ADAM32: variants seen among roughly 807,000 people sequenced by gnomAD.
The protein encoded by ADAM32 is ADAM metallopeptidase domain 32.
In ADAM32, 89 loss-of-function variants were observed where a neutral mutation model predicts 114.9. The ratio of observed to expected loss-of-function variants is 0.77; its 90% CI spans 0.65 to 0.92. ADAM32 has a LOEUF of 0.92. Among genes scored for constraint, ADAM32 ranks in the 40% least tolerant of loss-of-function variants. ADAM32 has a pLI of 0.00. For synonymous variants in ADAM32, 285 were observed against 307.5 expected, an observed-to-expected ratio of 0.93 and a Z score of 0.77; for missense variants, 870 against 932.8, an observed-to-expected ratio of 0.93 and a Z score of 0.88.
chr8:39,201,140 G>GT (rs1451285628), intron 11 of ADAM32, among the ~76,000 whole-genome samples: 6 of 152,196 alleles, frequency 3.9e-5, no homozygotes, highest in African/African-American at 7.2e-5. Flanking sequence ...CTTTAAAGTA[G>GT]TTTTTTCCAT....
chr8:39,246,875 C>T (rs1027380341), intron 17 of ADAM32, among the ~76,000 whole-genome samples: 2 of 152,176 alleles, frequency 1.3e-5, no homozygotes, highest in Admixed American at 6.5e-5. Context: ...TCTCCACTAA[C>T]CCTTGGCAAC....
intron 6 of ADAM32, among the ~76,000 whole-genome samples, chr8:39,155,955 G>T (rs7834886): frequency 0.99 from 150,767 of 152,270 alleles, 74,651 homozygotes; most frequent in Middle Eastern, 1. Flanking sequence ...AAACGCTGCT[G>T]CTATACAGCT....
At chr8:39,130,464 G>A (rs932051723) in intron 2 of ADAM32, among the ~76,000 whole-genome samples, 3 of 151,754 alleles carry the variant, frequency 2.0e-5, no homozygotes, top group Non-Finnish European at 4.4e-5. Context: ...GTCTTAAGAT[G>A]GAAATTTAAG....
chr8:39,176,862 G>A (rs573231559), intron 10 of ADAM32, among the ~76,000 whole-genome samples: 1 of 152,188 alleles, frequency 6.6e-6, no homozygotes, highest in Admixed American at 6.5e-5. Flanking sequence ...TTATGAATCT[G>A]GGTACTCCTG....
chr8:39,116,049 G>GT lies in ADAM32; in HGVS notation c.59-2036dup, dbSNP rs796993410. Among the ~76,000 whole-genome samples, 4 of 152,276 alleles carry GT rather than the reference G, an allele frequency of 2.6e-5. 1 individual carries two copies. Among genetic ancestry groups the GT allele is most frequent in the African/African-American group, 9.6e-5 (4 of 41,560 alleles). ...TGTCAAAGATCAGATGGTTATAGGT[G>GT]TGTGGCTTTATTTCTGAGTTTTCTA... is the stretch of plus-strand genomic sequence containing the variant. On this transcript the variant is annotated intron_variant, in intron 1 of 24. Coordinates refer to ENST00000379907, the MANE Select transcript of ADAM32 (RefSeq NM_145004.7).
intron 12 of ADAM32, among the ~76,000 whole-genome samples, chr8:39,217,092 TTA>T (rs1808620669): frequency 8.8e-6 from 1 of 113,580 alleles, no homozygotes; most frequent in Non-Finnish European, 1.8e-5. Context: ...TATTTCTCCA[TTA>T]TGTTTAAAGA....
intron 17 of ADAM32, among the ~76,000 whole-genome samples, chr8:39,247,866 T>C (rs1301479287): frequency 2.0e-5 from 3 of 151,800 alleles, no homozygotes; most frequent in Admixed American, 2.0e-4. Flanking sequence ...GATTAACTTT[T>C]TGAAGGGTGA....
At chr8:39,282,564 A>G (rs1246562057) in intron 23 of ADAM32, among the ~76,000 whole-genome samples, 1 of 152,216 alleles carries the variant, frequency 6.6e-6, no homozygotes, top group Non-Finnish European at 1.5e-5. Flanking sequence ...ATACCCAGAA[A>G]GGTATTTGGT....
chr8:39,242,509 A>G (rs1810629009), intron 16 of ADAM32, among the ~76,000 whole-genome samples: 1 of 152,214 alleles, frequency 6.6e-6, no homozygotes. Flanking sequence ...AAGGTGAAAG[A>G]TACATATTAG....
rs1195454206 is a variant in ADAM32, at chr8:39,281,274, G to T, written c.2318+100G>T. The T allele has an allele frequency of 1.2e-5, 7 of 574,380 alleles. No individual in the cohort carries two copies. The Admixed American group carries it at 1.3e-4, about 11-fold the overall frequency. 35.6% of individuals were successfully genotyped at this position (574,380 alleles called of 1,614,324 possible). ...ATAATTGCTCAACATTTTTTGAGCA[G>T]CCACAATCGATAAAGTCTACACCAA... On this transcript the variant is annotated intron_variant, in intron 23 of 24. Transcript: ENST00000379907.
At chr8:39,229,266 A>C (rs1454747823) in intron 14 of ADAM32, among the ~76,000 whole-genome samples, 1 of 152,208 alleles carries the variant, frequency 6.6e-6, no homozygotes, top group Non-Finnish European at 1.5e-5. Flanking sequence ...TAAAACAAAA[A>C]TATAAGTTAA....
intron 10 of ADAM32, among the ~76,000 whole-genome samples, chr8:39,175,680 C>T (rs531116929): frequency 1.5e-4 from 23 of 152,084 alleles, no homozygotes; most frequent in East Asian, 3.9e-4. Context: ...ATCAGGATGA[C>T]GCTGGGTTCA....
At chr8:39,216,794 C>T (rs1192858419) in intron 12 of ADAM32, among the ~76,000 whole-genome samples, 3 of 151,050 alleles carry the variant, frequency 2.0e-5, no homozygotes, top group South Asian at 2.1e-4. Context: ...TTATATATAT[C>T]GTACTGACTA....
intron 11 of ADAM32, among the ~76,000 whole-genome samples, chr8:39,192,215 TG>T: frequency 6.6e-6 from 1 of 152,364 alleles, no homozygotes; most frequent in African/African-American, 2.4e-5. Flanking sequence ...TTTGCATTTC[TG>T]TGGGGTCAGT....
At chr8:39,258,033 T>C (rs1474080505) in intron 19 of ADAM32, among the ~76,000 whole-genome samples, 3 of 152,112 alleles carry the variant, frequency 2.0e-5, no homozygotes, top group African/African-American at 7.2e-5. Context: ...ATTATCCATA[T>C]CCCATAACCT....
rs1426207847 is a variant in ADAM32 at position 39,180,378 on chromosome 8, G to A, written c.916-6531G>A. Among the ~76,000 whole-genome samples, 8 of 152,192 alleles carry A rather than the reference G, an allele frequency of 5.3e-5. 1 individual carries two copies. Among genetic ancestry groups the A allele is most frequent in the East Asian group, 3.9e-4 (2 of 5,184 alleles). ...GGGGCAGGCCTCCGGACTGCAGCCC[G>A]CCATGCCTAAGCCTCCCCCGCCTCA... On this transcript the variant is annotated intron_variant, in intron 10 of 24. Coordinates refer to ENST00000379907, the MANE Select transcript of ADAM32 (RefSeq NM_145004.7).
intron 20 of ADAM32, 109 bp downstream of exon 20, chr8:39,271,023 G>C: frequency 1.0e-6 from 1 of 973,392 alleles, no homozygotes; most frequent in Non-Finnish European, 1.5e-6. Context: ...GTAAAGCAAT[G>C]CACTGAAATC....
intron 5 of ADAM32, among the ~76,000 whole-genome samples, chr8:39,150,310 G>T (rs1480096669): frequency 2.6e-5 from 4 of 152,190 alleles, no homozygotes; most frequent in East Asian, 3.9e-4. Flanking sequence ...TGGTTTTGTA[G>T]ATTAGGGTAA....
intron 19 of ADAM32, among the ~76,000 whole-genome samples, chr8:39,265,592 G>A (rs1026666163): frequency 5.3e-5 from 8 of 152,106 alleles, no homozygotes; most frequent in African/African-American, 1.7e-4. Context: ...TAGTGTCAGG[G>A]GGCTATGCGT....
Sources: allele counts gnomAD v4.1 joint callset (sites outside exome capture counted in the v4.1 genomes callset), GRCh38; gene constraint gnomAD v4.1.1; transcripts MANE v1.5; gene names NCBI Gene and HGNC (gene_info 2026-07-23, HGNC 2026-07-21).